The following SOX6 variants were observed in gnomAD, a reference collection of about 807,000 sequenced individuals.
The protein encoded by SOX6 is SRY-box transcription factor 6.
A neutral mutation model predicts 97.8 loss-of-function variants in SOX6; 11 were observed. That is an observed-to-expected ratio of 0.11 (90% CI 0.07 to 0.19). The LOEUF (loss-of-function observed/expected upper bound fraction) is 0.19. Among genes scored for constraint, SOX6 ranks in the 10% least tolerant of loss-of-function variants. The pLI is 1.00. For synonymous variants in SOX6, 360 were observed against 371.4 expected, an observed-to-expected ratio of 0.97 and a Z score of 0.35; for missense variants, 810 against 1,039.5, an observed-to-expected ratio of 0.78 and a Z score of 3.04.
intron 3 of SOX6, among the ~76,000 whole-genome samples, chr11:16,640,992 G>T (rs1848902457): frequency 1.3e-5 from 2 of 151,970 alleles, no homozygotes; most frequent in Non-Finnish European, 2.9e-5. Context: ...GTTCTTTTAA[G>T]TGTGATGTTA....
chr11:16,140,540 A>G (rs982834581), intron 6 of SOX6, among the ~76,000 whole-genome samples: 6 of 152,202 alleles, frequency 3.9e-5, no homozygotes, highest in Non-Finnish European at 8.8e-5. Flanking sequence ...ATATCATTGC[A>G]TATTTATGAA....
chr11:16,308,991 G>A (rs549071128), intron 3 of SOX6, among the ~76,000 whole-genome samples: 2 of 152,318 alleles, frequency 1.3e-5, no homozygotes, highest in East Asian at 3.9e-4. Context: ...TTTTGAGGAA[G>A]GTGGAACCAA....
In SOX6 at chr11:16,126,945, C is replaced by T. The variant is rs114381766; in HGVS notation, c.778-15022G>A. ...AAACAGGCATAAAATCACCTAATCA[C>T]GGAATATCTCTAGATTTAAGAACAT... On this transcript the variant is annotated intron_variant, in intron 6 of 15. Transcript: ENST00000683767. Among the ~76,000 whole-genome samples the T allele has an allele frequency of 6.9e-3, 1,050 of 152,120 alleles. 12 individuals are homozygous for T. Among genetic ancestry groups the T allele is most frequent in the African/African-American group, 0.024 (1,016 of 41,522 alleles).
chr11:16,616,549 TTAAA>T (rs1848473730), intron 3 of SOX6, among the ~76,000 whole-genome samples: 1 of 152,014 alleles, frequency 6.6e-6, no homozygotes, highest in Non-Finnish European at 1.5e-5. Context: ...TTATTCATGC[TTAAA>T]TATTTACTGA....
chr11:16,220,511 G>C (rs899632115), intron 4 of SOX6, among the ~76,000 whole-genome samples: 8 of 151,992 alleles, frequency 5.3e-5, no homozygotes, highest in Non-Finnish European at 1.2e-4. Context: ...GAACTACGCT[G>C]TAAACTTGAC....
At chr11:16,286,314 G>C (rs768964629) in intron 3 of SOX6, among the ~76,000 whole-genome samples, 18 of 152,054 alleles carry the variant, frequency 1.2e-4, no homozygotes, top group Non-Finnish European at 2.5e-4. Context: ...TGAAGTTTTA[G>C]TCACTGTTGC....
intron 4 of SOX6, among the ~76,000 whole-genome samples, chr11:16,580,453 A>G (rs1322333580): frequency 6.6e-6 from 1 of 152,012 alleles, no homozygotes; most frequent in Non-Finnish European, 1.5e-5. Context: ...AAAAACACAG[A>G]TCCTGTGTAT....
chr11:15,986,137 C>T (rs1853829893), intron 15 of SOX6, 67 bp downstream of exon 15: 1 of 1,370,868 alleles, frequency 7.3e-7, no homozygotes, highest in Non-Finnish European at 1.0e-6. Context: ...AACATACTGC[C>T]AGTAGCCATC....
At chr11:16,073,775 T>A (rs1410340907) in intron 9 of SOX6, among the ~76,000 whole-genome samples, 2 of 152,046 alleles carry the variant, frequency 1.3e-5, no homozygotes, top group Non-Finnish European at 2.9e-5. Context: ...ATAGAAATCA[T>A]TACTAGGAAA....
At chr11:16,044,804 G>GT (rs1855776167) in intron 12 of SOX6, among the ~76,000 whole-genome samples, 1 of 152,162 alleles carries the variant, frequency 6.6e-6, no homozygotes, top group African/African-American at 2.4e-5. Flanking sequence ...TTCAACCCCA[G>GT]TAAGGTTGTC....
intron 1 of SOX6, among the ~76,000 whole-genome samples, chr11:16,438,577 T>G (rs1199954320): frequency 6.6e-6 from 1 of 152,076 alleles, no homozygotes; most frequent in African/African-American, 2.4e-5. Flanking sequence ...ATACAGGAAA[T>G]CTTCAAGTCT....
chr11:16,229,969 CA>C (rs1312382366), intron 4 of SOX6, among the ~76,000 whole-genome samples: 1 of 151,698 alleles, frequency 6.6e-6, no homozygotes, highest in Non-Finnish European at 1.5e-5. Context: ...TTTATAATTA[CA>C]GTTGTAAAAA....
intron 9 of SOX6, among the ~76,000 whole-genome samples, chr11:16,060,722 T>G (rs1847927097): frequency 6.6e-6 from 1 of 151,870 alleles, no homozygotes; most frequent in Non-Finnish European, 1.5e-5. Flanking sequence ...TGTAAGACTC[T>G]GTGTTAGGAG....
At chr11:16,549,577 A>G (rs1847659091) in intron 4 of SOX6, among the ~76,000 whole-genome samples, 1 of 152,210 alleles carries the variant, frequency 6.6e-6, no homozygotes, top group Admixed American at 6.5e-5. Flanking sequence ...ATCATCCAAC[A>G]GAGTAATCCA....
intron 6 of SOX6, among the ~76,000 whole-genome samples, chr11:16,152,035 T>C (rs2134057236): frequency 6.6e-6 from 1 of 152,292 alleles, no homozygotes; most frequent in Non-Finnish European, 1.5e-5. Context: ...AAGTCAATTT[T>C]TGTCTCTAAT....
chr11:16,393,414 AT>A (rs74444559), intron 1 of SOX6, among the ~76,000 whole-genome samples: 45,130 of 151,710 alleles, frequency 0.3, 6,857 homozygotes, highest in East Asian at 0.52. Context: ...TTCAAAAAAA[AT>A]ATCCCTCTAC....
chr11:16,049,927 T>C lies in SOX6; in HGVS notation c.1263A>G (p.Ala421=). 1 of 1,613,802 alleles carries C rather than the reference T, an allele frequency of 6.2e-7. No individual in the cohort carries two copies. The highest frequency in any genetic ancestry group is 8.5e-7 in the Non-Finnish European group (1 of 1,179,762). The change falls in exon 11 of 16, where the codon GCA becomes GCG. Residue 421 remains alanine, a synonymous_variant. Coordinates refer to ENST00000683767, the MANE Select transcript of SOX6 (RefSeq NM_001367873.1). ...GGGATGAGAGATTCAGAGGCTGTGC[T>C]GCTGCTTCATCCTACAAGAGTTTAA... The part of the protein sequence containing the change: ...SPVTQVKDEA[A]AQPLNLSSRP...
intron 3 of SOX6, among the ~76,000 whole-genome samples, chr11:16,302,001 A>G (rs1321134206): frequency 2.6e-5 from 4 of 152,018 alleles, no homozygotes; most frequent in African/African-American, 9.7e-5. Flanking sequence ...TCAGCTAGAT[A>G]TCTCCCTAAC....
At chr11:16,263,737 C>T (rs967256048) in intron 3 of SOX6, among the ~76,000 whole-genome samples, 22 of 108,424 alleles carry the variant, frequency 2.0e-4, no homozygotes, top group African/African-American at 6.8e-4. Context: ...CATATAAAAA[C>T]TCATGGTCAA....
Sources: gnomAD v4.1 joint callset for allele counts (sites outside exome capture counted in the v4.1 genomes callset) on GRCh38, gnomAD v4.1.1 for gene constraint, MANE v1.5 for transcripts, NCBI Gene and HGNC (gene_info 2026-07-23, HGNC 2026-07-21) for gene names.